Variants in RAD23B observed in about 807,000 individuals in gnomAD.
RAD23B encodes the protein lysine-specific demethylase RAD23B.
Under a neutral mutation model 49.1 loss-of-function variants are expected in RAD23B, and 5 were observed. That is an observed-to-expected ratio of 0.10 (90% confidence interval 0.05 to 0.21). The LOEUF (loss-of-function observed/expected upper bound fraction) is 0.21, where lower values mean the gene tolerates loss of function less well. Among genes scored for constraint, RAD23B ranks in the 10% least tolerant of loss-of-function variants. The pLI is 1.00. For synonymous variants in RAD23B, 184 were observed against 165.4 expected (o/e 1.11, Z -0.86); for missense variants, 356 against 486.7 (o/e 0.73, Z 2.53).
At chr9:107,305,990 G>A (rs2133079118) in intron 3 of RAD23B, among the ~76,000 whole-genome samples, 1 of 141,544 alleles carries the variant, frequency 7.1e-6, no homozygotes, top group African/African-American at 2.6e-5. Context: ...GTGGTATTAG[G>A]TACCTTAAAG....
intron 1 of RAD23B, chr9:107,284,147 TAAG>T: frequency 1.0e-6 from 1 of 988,028 alleles, no homozygotes; most frequent in Non-Finnish European, 1.2e-6. Flanking sequence ...AGATGAGCCT[TAAG>T]AAAAAAAAAA....
intron 1 of RAD23B, among the ~76,000 whole-genome samples, chr9:107,286,230 G>A (rs751674631): frequency 1.3e-5 from 2 of 152,164 alleles, no homozygotes; most frequent in African/African-American, 2.4e-5. Flanking sequence ...GAGATAAGTG[G>A]AATCATGGGA....
chr9:107,313,393 T>C (rs574734534), intron 5 of RAD23B, among the ~76,000 whole-genome samples: 2 of 152,220 alleles, frequency 1.3e-5, no homozygotes, highest in African/African-American at 4.8e-5. Flanking sequence ...GCCCGACTAA[T>C]TTTGTGTATT....
At chr9:107,297,388 G>C (rs963889832) in intron 1 of RAD23B, among the ~76,000 whole-genome samples, 1 of 152,138 alleles carries the variant, frequency 6.6e-6, no homozygotes, top group Non-Finnish European at 1.5e-5. Flanking sequence ...CATCCAGGCT[G>C]GAGTGCAATG....
intron 1 of RAD23B, among the ~76,000 whole-genome samples, chr9:107,291,783 A>G (rs1564239987): frequency 6.6e-6 from 1 of 152,248 alleles, no homozygotes; most frequent in African/African-American, 2.4e-5. Flanking sequence ...GAAATCCTTT[A>G]GTACACATTT....
chr9:107,324,752 T>A (rs1827172129), intron 8 of RAD23B, 82 bp from the exon 9 acceptor site: 7 of 1,341,768 alleles, frequency 5.2e-6, no homozygotes, highest in Admixed American at 5.1e-5. Context: ...GCCTTTTCTC[T>A]TAGTAATATT....
At chr9:107,326,295 C>T (rs118130797) in intron 9 of RAD23B, among the ~76,000 whole-genome samples, 1,701 of 151,560 alleles carry the variant, frequency 0.011, 10 homozygotes, top group South Asian at 0.02. Context: ...TGGGCTAACA[C>T]GGTGAAACCC....
Position 107,331,796 on chromosome 9 carries a change from A to G in RAD23B, c.*2140A>G, listed in dbSNP as rs953586062. 1.3e-6 allele frequency: 1 copy of G among 762,550 alleles called. No individual in the cohort carries two copies. The allele number at this position is 762,550 out of a possible 1,614,324, so 47.2% of individuals were successfully genotyped here. A position where few individuals can be genotyped will look rare whatever the true frequency, so the allele number is the denominator to read the frequency against. ...ATACTAGGATTAATTATCAGAAGACAGCTCAGGCCAAGTTTTGATCGTTCC... is the reference window on the plus strand; with the variant it reads ...ATACTAGGATTAATTATCAGAAGACGGCTCAGGCCAAGTTTTGATCGTTCC... On this transcript the variant is annotated 3_prime_UTR_variant, in exon 10 of 10. Coordinates refer to ENST00000358015, the MANE Select transcript of RAD23B (RefSeq NM_002874.5).
intron 1 of RAD23B, among the ~76,000 whole-genome samples, chr9:107,297,747 C>CT (rs375002813): frequency 6.8e-6 from 1 of 146,628 alleles, no homozygotes; most frequent in Non-Finnish European, 1.5e-5. Context: ...ATTTATGGGG[C>CT]TTTTTTTTCC....
chr9:107,306,513 C>T lies in RAD23B; in HGVS notation c.363C>T (p.Ser121=), dbSNP rs1406751637. ...CTGTCCCTGCCTTGGCCCCCACTTCCACACCTGCATCCATCACTCCAGCAT... is the reference window on the plus strand; with the variant it reads ...CTGTCCCTGCCTTGGCCCCCACTTCTACACCTGCATCCATCACTCCAGCAT... The part of the protein sequence containing the change: ...PTPVPALAPT[S]TPASITPASA... Residue 121 remains serine (S), a synonymous_variant, in exon 4 of 10, where the codon TCC becomes TCT. Coordinates refer to ENST00000358015, the MANE Select transcript of RAD23B (RefSeq NM_002874.5). 6.2e-7 allele frequency: 1 copy of T among 1,614,034 alleles called. No individual in the cohort carries two copies. The highest frequency in any genetic ancestry group is 1.7e-5 in the Admixed American group (1 of 59,998).
At chr9:107,299,022 T>C (rs1445558750) in intron 1 of RAD23B, among the ~76,000 whole-genome samples, 1 of 152,180 alleles carries the variant, frequency 6.6e-6, no homozygotes, top group African/African-American at 2.4e-5. Flanking sequence ...AATACTCTGC[T>C]TGGAGTCATA....
intron 3 of RAD23B, among the ~76,000 whole-genome samples, 186 bp downstream of exon 3, chr9:107,302,300 A>G (rs1826670846): frequency 6.6e-6 from 1 of 152,214 alleles, no homozygotes; most frequent in African/African-American, 2.4e-5. Context: ...CATTAATTAC[A>G]CATTAAACTA....
intron 1 of RAD23B, among the ~76,000 whole-genome samples, chr9:107,295,090 G>T (rs1373638731): frequency 1.3e-5 from 2 of 151,704 alleles, no homozygotes. Flanking sequence ...GGTGGGTGGG[G>T]GGGGACTACC....
Position 107,331,427 on chromosome 9 carries a change from C to T in RAD23B, c.*1771C>T, listed in dbSNP as rs995924236. 1.8e-5 allele frequency: 7 copies of T among 390,140 alleles called. No individual in the cohort carries two copies. The South Asian group carries it at 2.1e-4, about 12-fold the overall frequency. The allele number at this position is 390,140 out of a possible 1,614,324, so 24.2% of individuals were successfully genotyped here. A position where few individuals can be genotyped will look rare whatever the true frequency, so the allele number is the denominator to read the frequency against. Reference sequence around the variant, plus strand: ...CTGAGGCATGAGAATTGCTTGAACCCGGGAAGTGAAGGTTGCCGTGAGCTG... The same window carrying T: ...CTGAGGCATGAGAATTGCTTGAACCTGGGAAGTGAAGGTTGCCGTGAGCTG... On this transcript the variant is annotated 3_prime_UTR_variant, in exon 10 of 10. Transcript: ENST00000358015.
Position 107,307,076 on chromosome 9 carries a change from C to T in RAD23B, c.497+429C>T, listed in dbSNP as rs116623175. On this transcript the variant is annotated intron_variant, in intron 4 of 9. Transcript: ENST00000358015. ...TCCTTCCATGTTAGTAAATCTTTCC[C>T]GTAGTTATATAGCATTGTGTTTGGT... Among the ~76,000 whole-genome samples, 1,182 of 152,188 alleles carry T rather than the reference C, an allele frequency of 7.8e-3. 16 individuals are homozygous for T. The highest frequency in any genetic ancestry group is 0.027 in the African/African-American group (1,111 of 41,542).
chr9:107,312,637 C>G (rs1259082007), intron 5 of RAD23B, among the ~76,000 whole-genome samples: 1 of 151,668 alleles, frequency 6.6e-6, no homozygotes, highest in Non-Finnish European at 1.5e-5. Context: ...GAGCAGTGTC[C>G]TAAAACCACT....
At chr9:107,284,172 C>T (rs985027583) in intron 1 of RAD23B, 6 of 986,842 alleles carry the variant, frequency 6.1e-6, no homozygotes, top group Non-Finnish European at 7.2e-6. Flanking sequence ...TATCAGGTTC[C>T]GTTTGCCGCC....
chr9:107,306,028 T>C (rs534542248), intron 3 of RAD23B, among the ~76,000 whole-genome samples: 69 of 130,572 alleles, frequency 5.3e-4, no homozygotes, highest in African/African-American at 1.7e-3. Flanking sequence ...AAAGTTTTTT[T>C]GGGAAAATGA....
chr9:107,309,697 A>G (rs886505147), intron 4 of RAD23B, among the ~76,000 whole-genome samples: 2 of 151,882 alleles, frequency 1.3e-5, no homozygotes, highest in Non-Finnish European at 2.9e-5. Context: ...TTTGGGAGGC[A>G]GAGGCAGGCG....
Sources: gnomAD v4.1 joint callset for allele counts (sites outside exome capture counted in the v4.1 genomes callset) on GRCh38, gnomAD v4.1.1 for gene constraint, MANE v1.5 for transcripts, NCBI Gene and HGNC (gene_info 2026-07-23, HGNC 2026-07-21) for gene names.